Variants in OPCML observed in about 807,000 individuals in gnomAD.
OPCML encodes opioid-binding protein/cell adhesion molecule.
OPCML carries 13 observed loss-of-function variants against 37.8 expected under a neutral mutation model. The ratio of observed to expected loss-of-function variants is 0.34; its 90% CI spans 0.22 to 0.55. The LOEUF (loss-of-function observed/expected upper bound fraction) is 0.55, where lower values mean the gene tolerates loss of function less well. Among genes scored for constraint, OPCML ranks in the 20% least tolerant of loss-of-function variants. The pLI is 0.91. For synonymous variants in OPCML, 176 were observed against 168.8 expected, an observed-to-expected ratio of 1.04 and a Z score of -0.33; for missense variants, 341 against 435.6, an observed-to-expected ratio of 0.78 and a Z score of 1.93.
At chr11:133,423,214 A>G (rs1228240308) in intron 1 of OPCML, 1 of 985,282 alleles carries the variant, frequency 1.0e-6, no homozygotes, top group Admixed American at 6.1e-5. Flanking sequence ...CATCCCCTTG[A>G]TCATTTTAAT....
At chr11:132,697,992 T>G (rs200368527) in intron 2 of OPCML, among the ~76,000 whole-genome samples, 1 of 42,412 alleles carries the variant, frequency 2.4e-5, no homozygotes, top group South Asian at 7.5e-4. Context: ...ATTTATTTAT[T>G]TATTTATTTA....
intron 1 of OPCML, among the ~76,000 whole-genome samples, chr11:133,501,710 G>A (rs1393861138): frequency 1.3e-5 from 2 of 149,864 alleles, no homozygotes; most frequent in African/African-American, 2.5e-5. Context: ...GGCTTCAAAC[G>A]ACCTGAGCCA....
intron 4 of OPCML, among the ~76,000 whole-genome samples, chr11:132,479,495 A>G (rs557274887): frequency 2.5e-4 from 38 of 152,344 alleles, no homozygotes; most frequent in African/African-American, 7.0e-4. Flanking sequence ...CAAAGCAGCC[A>G]GAAAGCTCGA....
In OPCML at chr11:133,460,579, T is replaced by C. The variant is rs543354483; in HGVS notation, c.61+71685A>G. ...CTATAAACGATTGTACACTAAGAAA[T>C]TGGATTACCAAATGAAATGAACAAA... is the stretch of plus-strand genomic sequence containing the variant. On this transcript the variant is annotated intron_variant, in intron 1 of 7. Transcript: ENST00000524381. Among the ~76,000 whole-genome samples the C allele has an allele frequency of 1.8e-4, 28 of 151,962 alleles. No individual in the cohort carries two copies. The South Asian group carries it at 3.9e-3, about 21-fold the overall frequency.
chr11:133,484,073 G>C (rs1591551257), intron 1 of OPCML, among the ~76,000 whole-genome samples: 1 of 135,436 alleles, frequency 7.4e-6, no homozygotes, highest in Non-Finnish European at 1.5e-5. Flanking sequence ...TAGATAGATA[G>C]ATAGATAGAT....
At chr11:133,423,564 A>G in intron 1 of OPCML, 4 of 840,812 alleles carry the variant, frequency 4.8e-6, no homozygotes, top group Non-Finnish European at 5.7e-6. Flanking sequence ...TTCCTTGGAA[A>G]AGCAGATCTG....
chr11:133,182,910 C>A (rs1229732799), intron 1 of OPCML, among the ~76,000 whole-genome samples: 1 of 152,078 alleles, frequency 6.6e-6, no homozygotes, highest in East Asian at 1.9e-4. Flanking sequence ...AGGCGCCCAA[C>A]CCCAATTCAT....
chr11:133,362,331 A>C (rs73031374), intron 1 of OPCML: 32,873 of 152,154 alleles, frequency 0.22, 3,828 homozygotes, highest in African/African-American at 0.32. Context: ...GCGCAACCTG[A>C]AGGCTTGCTC....
rs1219649508 is a variant in OPCML at position 133,140,891 on chromosome 11, A to G, written c.62-197881T>C. 1.8e-3 allele frequency among the ~76,000 whole-genome samples: 50 copies of G among 28,164 alleles called. 12 individuals are homozygous for G. Among genetic ancestry groups the G allele is most frequent in the African/African-American group, 2.8e-3 (47 of 16,536 alleles). 18.5% of individuals were successfully genotyped at this position (28,164 alleles called of 152,430 possible). A position where few individuals can be genotyped will look rare whatever the true frequency, so the allele number is the denominator to read the frequency against. ...GACGACGAAGAAGACGACGACGACG[A>G]CGAAGACGACGACGACGAAGAAGAA... On this transcript the variant is annotated intron_variant, in intron 1 of 7. Transcript: ENST00000524381.
rs192048878 is a variant in OPCML, at chr11:133,221,064, T to C, written c.62-278054A>G. Reference sequence around the variant, plus strand: ...CCGTTTTTAGATCCCCAAACTATTTTGTAATGCTCAGAGGCCTTCTTGAGT... The same window carrying C: ...CCGTTTTTAGATCCCCAAACTATTTCGTAATGCTCAGAGGCCTTCTTGAGT... On this transcript the variant is annotated intron_variant, in intron 1 of 7. Coordinates refer to ENST00000524381, the MANE Select transcript of OPCML (RefSeq NM_001012393.5). Among the ~76,000 whole-genome samples the C allele has an allele frequency of 9.4e-4, 143 of 152,362 alleles. 1 individual carries two copies. In the South Asian group the frequency reaches 0.015, roughly 16 times the overall value.
chr11:133,040,361 C>G (rs1947867110), intron 1 of OPCML, among the ~76,000 whole-genome samples: 1 of 152,206 alleles, frequency 6.6e-6, no homozygotes, highest in Non-Finnish European at 1.5e-5. Flanking sequence ...AAACTCTGCT[C>G]TCTTCCTCAA....
At chr11:133,478,253 C>T (rs1009497081) in intron 1 of OPCML, among the ~76,000 whole-genome samples, 8 of 152,178 alleles carry the variant, frequency 5.3e-5, no homozygotes, top group African/African-American at 1.9e-4. Context: ...CTGCCTCTCC[C>T]AGCATCACAA....
intron 1 of OPCML, chr11:133,301,728 G>T (rs1942783807): frequency 6.6e-6 from 1 of 152,100 alleles, no homozygotes; most frequent in African/African-American, 2.4e-5. Context: ...GTAAATGTCT[G>T]CTTGTTTGTT....
chr11:132,604,694 A>G (rs1337532280), intron 3 of OPCML, among the ~76,000 whole-genome samples: 2 of 152,200 alleles, frequency 1.3e-5, no homozygotes, highest in East Asian at 3.8e-4. Context: ...TCAGCCTTGA[A>G]AAATGCAGAA....
At chr11:133,220,687 A>G (rs77111281) in intron 1 of OPCML, among the ~76,000 whole-genome samples, 4,591 of 152,204 alleles carry the variant, frequency 0.03, 246 homozygotes, top group African/African-American at 0.1. Flanking sequence ...TACTGCCTCT[A>G]CCACCACTAA....
At chr11:133,253,849 C>T (rs1473516681) in intron 1 of OPCML, among the ~76,000 whole-genome samples, 1 of 72,554 alleles carries the variant, frequency 1.4e-5, no homozygotes, top group Non-Finnish European at 2.8e-5. Context: ...CCTTCCCTTC[C>T]CTTCCCTTCC....
At chr11:133,307,101 T>G (rs1396616960) in intron 1 of OPCML, among the ~76,000 whole-genome samples, 1 of 152,114 alleles carries the variant, frequency 6.6e-6, no homozygotes, top group African/African-American at 2.4e-5. Flanking sequence ...CCGCTGTTCC[T>G]CCCCTCCTTC....
intron 1 of OPCML, among the ~76,000 whole-genome samples, chr11:133,390,481 GACA>G (rs148891754): frequency 0.027 from 4,084 of 151,974 alleles, 106 homozygotes; most frequent in East Asian, 0.084. Flanking sequence ...CAACAACAAC[GACA>G]ACAACAAAAA....
intron 1 of OPCML, among the ~76,000 whole-genome samples, chr11:133,468,363 G>T (rs1947023700): frequency 6.6e-6 from 1 of 152,200 alleles, no homozygotes. Context: ...GATGCTGTGA[G>T]ACTGTCAAAG....
Sources: allele counts gnomAD v4.1 joint callset (sites outside exome capture counted in the v4.1 genomes callset), GRCh38; gene constraint gnomAD v4.1.1; transcripts MANE v1.5; gene names NCBI Gene and HGNC (gene_info 2026-07-23, HGNC 2026-07-21).